Variants in ZNF236 observed in about 807,000 individuals in gnomAD.
ZNF236 encodes the protein zinc finger protein 236.
In ZNF236, 50 loss-of-function variants were observed where a neutral mutation model predicts 191.2. That is an observed-to-expected ratio of 0.26 (90% CI 0.21 to 0.33). The LOEUF (loss-of-function observed/expected upper bound fraction) is 0.33, where lower values mean the gene tolerates loss of function less well. Among genes scored for constraint, ZNF236 ranks in the 10% least tolerant of loss-of-function variants. The pLI is 1.00. For synonymous variants in ZNF236, 907 were observed against 928.8 expected, an observed-to-expected ratio of 0.98 and a Z score of 0.43; for missense variants, 1,754 against 2,374.5, an observed-to-expected ratio of 0.74 and a Z score of 5.43.
At position 76,969,678 on chromosome 18, in the gene ZNF236, A is replaced by C. The variant is rs181146977; in HGVS notation, c.*1339A>C. 1.3e-5 allele frequency: 2 copies of C among 152,662 alleles called. No individual in the cohort carries two copies. The highest frequency in any genetic ancestry group is 4.8e-5 in the African/African-American group (2 of 41,552). 9.5% of individuals were successfully genotyped at this position (152,662 alleles called of 1,614,324 possible). On this transcript the variant is annotated 3_prime_UTR_variant, in exon 31 of 31. Coordinates refer to ENST00000320610, the MANE Select transcript of ZNF236 (RefSeq NM_001306089.2). ...CTCTCGTTGCCTCCTTGGTTTCAGA[A>C]GAGAGTAGTTTTATTATAAATATTG...
chr18:76,836,615 T>C, intron 1 of ZNF236, among the ~76,000 whole-genome samples: 1 of 151,992 alleles, frequency 6.6e-6, no homozygotes, highest in Non-Finnish European at 1.5e-5. Context: ...TTTTGCTCTG[T>C]CGCCCAGGCT....
chr18:76,959,341 G>T (rs897399486), intron 28 of ZNF236, among the ~76,000 whole-genome samples: 3 of 152,178 alleles, frequency 2.0e-5, no homozygotes, highest in African/African-American at 7.2e-5. Context: ...AACGGAGAGA[G>T]CTCACCTGGA....
At chr18:76,913,502 T>A (rs1967272936) in intron 17 of ZNF236, among the ~76,000 whole-genome samples, 1 of 152,250 alleles carries the variant, frequency 6.6e-6, no homozygotes, top group Admixed American at 6.5e-5. Flanking sequence ...TACTGTTTTT[T>A]AAGTAATACA....
At chr18:76,949,296 T>G (rs1968347633) in intron 27 of ZNF236, among the ~76,000 whole-genome samples, 2 of 152,212 alleles carry the variant, frequency 1.3e-5, no homozygotes, top group African/African-American at 4.8e-5. Context: ...GGTAGAAGAA[T>G]AATGTTTGTA....
chr18:76,839,794 A>G (rs1350539231), intron 1 of ZNF236, among the ~76,000 whole-genome samples: 1 of 152,234 alleles, frequency 6.6e-6, no homozygotes, highest in Admixed American at 6.5e-5. Flanking sequence ...CTAAAAGTTA[A>G]TATGTGTGTT....
intron 26 of ZNF236, among the ~76,000 whole-genome samples, chr18:76,942,467 T>G (rs1968153927): frequency 1.3e-5 from 2 of 152,096 alleles, no homozygotes; most frequent in Admixed American, 1.3e-4. Flanking sequence ...GTGGTCTTAC[T>G]TTACTTAAAT....
At position 76,895,525 on chromosome 18, in the gene ZNF236, G is replaced by A. The variant is rs1028010046; in HGVS notation, c.1690+240G>A. 28 of 609,668 alleles carry A rather than the reference G, an allele frequency of 4.6e-5. 1 individual carries two copies. The highest frequency in any genetic ancestry group is 1.3e-4 in the African/African-American group (7 of 52,828). 37.8% of individuals were successfully genotyped at this position (609,668 alleles called of 1,614,324 possible). ...CACAAAGGTCTCAAACACAGATACC[G>A]CACACAGTACCCAACACAGCAATGT... On this transcript the variant is annotated intron_variant, in intron 10 of 30. Transcript: ENST00000320610.
At chr18:76,921,054 C>A (rs1967518600) in intron 20 of ZNF236, among the ~76,000 whole-genome samples, 2 of 152,240 alleles carry the variant, frequency 1.3e-5, no homozygotes, top group South Asian at 2.1e-4. Context: ...TTCAGAAAAC[C>A]AAAGGGTGTG....
intron 30 of ZNF236, among the ~76,000 whole-genome samples, chr18:76,962,069 G>A (rs777342468): frequency 6.6e-6 from 1 of 152,168 alleles, no homozygotes; most frequent in Non-Finnish European, 1.5e-5. Flanking sequence ...GCTCTTTAGT[G>A]TAATGAAGTC....
At chr18:76,871,900 A>G in intron 5 of ZNF236, 75 bp downstream of exon 5, 3 of 1,558,036 alleles carry the variant, frequency 1.9e-6, no homozygotes, top group Non-Finnish European at 2.6e-6. Flanking sequence ...TGCTAGCTCG[A>G]CTTGGAATCT....
Position 76,925,082 on chromosome 18 carries a change from C to A in ZNF236, c.3662-107C>A. 6.7e-7 allele frequency: 1 copy of A among 1,484,756 alleles called. No individual in the cohort carries two copies. Among genetic ancestry groups the A allele is most frequent in the Middle Eastern group, 2.5e-4 (1 of 3,940 alleles). 92.0% of individuals were successfully genotyped at this position (1,484,756 alleles called of 1,614,324 possible). A position where few individuals can be genotyped will look rare whatever the true frequency, so the allele number is the denominator to read the frequency against. On this transcript the variant is annotated intron_variant, in intron 21 of 30. Coordinates refer to ENST00000320610, the MANE Select transcript of ZNF236 (RefSeq NM_001306089.2). The surrounding 1 kb of genome is among the most constrained non-coding windows in gnomAD (Gnocchi z 5.7). Reference sequence around the variant, plus strand: ...AAAGGGATTCTCATTAAAGTACTTCCATCCACTGATTCAACATATTTACAT... The same window carrying A: ...AAAGGGATTCTCATTAAAGTACTTCAATCCACTGATTCAACATATTTACAT...
At chr18:76,868,038 C>T (rs372635604) in intron 3 of ZNF236, among the ~76,000 whole-genome samples, 12 of 151,768 alleles carry the variant, frequency 7.9e-5, no homozygotes, top group African/African-American at 2.9e-4. Context: ...AAAATATGTC[C>T]AAAATATGAA....
At chr18:76,946,683 C>T (rs1257638199) in intron 26 of ZNF236, among the ~76,000 whole-genome samples, 1 of 152,208 alleles carries the variant, frequency 6.6e-6, no homozygotes, top group African/African-American at 2.4e-5. Context: ...CTGCAGCTTC[C>T]TCTCTGCTCT....
chr18:76,843,859 G>A (rs1975594351), intron 1 of ZNF236, among the ~76,000 whole-genome samples: 1 of 149,100 alleles, frequency 6.7e-6, no homozygotes, highest in African/African-American at 2.5e-5. Context: ...GCACAGGGAA[G>A]AAGGTAGAAG....
chr18:76,843,555 A>G (rs1975576552), intron 1 of ZNF236, among the ~76,000 whole-genome samples: 6 of 145,230 alleles, frequency 4.1e-5, no homozygotes, highest in Non-Finnish European at 9.1e-5. Flanking sequence ...AGGTGGGCGG[A>G]TCACGAGGTC....
intron 3 of ZNF236, among the ~76,000 whole-genome samples, chr18:76,862,227 A>T (rs117464034): frequency 0.016 from 2,469 of 152,256 alleles, 31 homozygotes; most frequent in Middle Eastern, 0.02. Context: ...GCCTTCTGCC[A>T]ACAAGCGGAG....
At position 76,969,739 on chromosome 18, in the gene ZNF236, A is replaced by T. The variant is rs1394871032; in HGVS notation, c.*1400A>T. On this transcript the variant is annotated 3_prime_UTR_variant, in exon 31 of 31. Coordinates refer to ENST00000320610, the MANE Select transcript of ZNF236 (RefSeq NM_001306089.2). Reference sequence around the variant, plus strand: ...GTATATTAAGAGAGGAGCTCATTTCAGATTCCTAAAGAAATAGACATTTTA... The same window carrying T: ...GTATATTAAGAGAGGAGCTCATTTCTGATTCCTAAAGAAATAGACATTTTA... The T allele has an allele frequency of 6.6e-6, 1 of 152,594 alleles. No homozygotes were observed. Among genetic ancestry groups the T allele is most frequent in the Non-Finnish European group, 1.5e-5 (1 of 68,040 alleles). The allele number at this position is 152,594 out of a possible 1,614,324, so 9.5% of individuals were successfully genotyped here. A position where few individuals can be genotyped will look rare whatever the true frequency, so the allele number is the denominator to read the frequency against.
intron 1 of ZNF236, 114 bp downstream of exon 1, chr18:76,822,776 G>C (rs2122340294): frequency 6.9e-6 from 1 of 145,088 alleles, no homozygotes; most frequent in African/African-American, 2.5e-5. Context: ...CGGGGGCGGG[G>C]GCCGCGCAGA....
intron 4 of ZNF236, 61 bp from the exon 5 acceptor site, chr18:76,871,640 T>C: frequency 6.3e-7 from 1 of 1,586,040 alleles, no homozygotes. Flanking sequence ...GATTTTCATT[T>C]TGAAATTATG....
Sources: allele counts gnomAD v4.1 joint callset (sites outside exome capture counted in the v4.1 genomes callset), GRCh38; gene constraint gnomAD v4.1.1; non-coding constraint Gnocchi (gnomAD v3.1); transcripts MANE v1.5; gene names NCBI Gene and HGNC (gene_info 2026-07-23, HGNC 2026-07-21).